Variants in UNC5C observed in about 807,000 individuals in gnomAD.
UNC5C encodes the protein unc-5 netrin receptor C.
In UNC5C, 47 loss-of-function variants were observed where a neutral mutation model predicts 99.8. The observed-to-expected ratio is 0.47, with a 90% CI of 0.37 to 0.60. UNC5C has a LOEUF of 0.60. UNC5C is among the 20% of genes least tolerant of loss of function. The pLI is 0.00. For missense variants in UNC5C, 1,062 were observed against 1,165.9 expected (o/e 0.91, Z 1.30); for synonymous variants, 487 against 452.2 (o/e 1.08, Z -0.98).
At chr4:95,455,337 G>A (rs1747397860) in intron 1 of UNC5C, among the ~76,000 whole-genome samples, 1 of 152,088 alleles carries the variant, frequency 6.6e-6, no homozygotes, top group Admixed American at 6.6e-5. Context: ...AACCTCGATT[G>A]CATTTGGTGT....
chr4:95,435,859 C>T (rs4385069), intron 1 of UNC5C, among the ~76,000 whole-genome samples: 136,393 of 152,052 alleles, frequency 0.9, 61,368 homozygotes, highest in Admixed American at 0.94. Context: ...TTTTATTAGG[C>T]TTCTATATTT....
At chr4:95,365,902 T>A (rs1160050342) in intron 1 of UNC5C, among the ~76,000 whole-genome samples, 1 of 151,908 alleles carries the variant, frequency 6.6e-6, no homozygotes, top group Non-Finnish European at 1.5e-5. Context: ...TGTGATTTTT[T>A]CCCCCAGGAT....
chr4:95,478,821 TA>T (rs1435466242), intron 1 of UNC5C, among the ~76,000 whole-genome samples: 1 of 151,878 alleles, frequency 6.6e-6, no homozygotes, highest in Non-Finnish European at 1.5e-5. Context: ...GTGGCGGGTA[TA>T]TGGGTCATGG....
chr4:95,302,295 T>C (rs1230273967), intron 2 of UNC5C, among the ~76,000 whole-genome samples: 1 of 152,216 alleles, frequency 6.6e-6, no homozygotes, highest in African/African-American at 2.4e-5. Context: ...TATATAACTT[T>C]AAAGTTTTCA....
intron 1 of UNC5C, among the ~76,000 whole-genome samples, chr4:95,381,034 G>A (rs886278856): frequency 3.3e-5 from 5 of 152,104 alleles, no homozygotes; most frequent in African/African-American, 4.8e-5. Context: ...AGAAAACAAC[G>A]TATTTAGGAT....
At chr4:95,432,735 A>G (rs979611552) in intron 1 of UNC5C, among the ~76,000 whole-genome samples, 3 of 152,130 alleles carry the variant, frequency 2.0e-5, no homozygotes, top group Admixed American at 2.0e-4. Flanking sequence ...GTCAATAAGA[A>G]CAAACATCAA....
chr4:95,212,840 A>G (rs949294269), intron 10 of UNC5C, among the ~76,000 whole-genome samples: 3 of 152,124 alleles, frequency 2.0e-5, no homozygotes, highest in Admixed American at 1.3e-4. Context: ...GCCAGCTGTG[A>G]AATACTTTCT....
intron 1 of UNC5C, among the ~76,000 whole-genome samples, chr4:95,385,166 G>GA (rs1025032228): frequency 1.3e-4 from 20 of 151,052 alleles, no homozygotes; most frequent in Non-Finnish European, 2.5e-4. Flanking sequence ...TGCAGTCAAA[G>GA]AAAAAAAAAC....
chr4:95,245,142 T>C lies in UNC5C; in HGVS notation c.778A>G (p.Asn260Asp), dbSNP rs1326477791. The change falls in exon 6 of 16, where the codon AAC (asparagine) becomes GAC (aspartate). Residue 260 changes from asparagine to aspartate, a missense_variant and splice_region_variant. Coordinates refer to ENST00000453304, the MANE Select transcript of UNC5C (RefSeq NM_003728.4). Reference protein sequence around the residue: ...STTATVIVYVNGGWSTWTEWS... With the variant: ...STTATVIVYVDGGWSTWTEWS... ...TCCGTCCAGGTGGACCAGCCACCGTTGACTGAAAGGAGGCAAACAGTAAAA... is the reference window on the plus strand; with the variant it reads ...TCCGTCCAGGTGGACCAGCCACCGTCGACTGAAAGGAGGCAAACAGTAAAA... 1 of 1,610,474 alleles carries C rather than the reference T, an allele frequency of 6.2e-7. No individual in the cohort carries two copies. The highest frequency in any genetic ancestry group is 1.1e-5 in the South Asian group (1 of 90,224).
chr4:95,504,841 C>T (rs1460635916), intron 1 of UNC5C, among the ~76,000 whole-genome samples: 1 of 151,998 alleles, frequency 6.6e-6, no homozygotes, highest in African/African-American at 2.4e-5. Context: ...CCTATGATGT[C>T]ATTCATTGCA....
chr4:95,263,255 A>G (rs1171410241), intron 4 of UNC5C, among the ~76,000 whole-genome samples: 1 of 152,224 alleles, frequency 6.6e-6, no homozygotes, highest in Non-Finnish European at 1.5e-5. Context: ...TGTTTATAAT[A>G]TACACAGACA....
At chr4:95,403,171 A>G (rs945939901) in intron 1 of UNC5C, among the ~76,000 whole-genome samples, 7 of 152,224 alleles carry the variant, frequency 4.6e-5, no homozygotes, top group Non-Finnish European at 8.8e-5. Context: ...GCTTGCATCT[A>G]CTTGAGATAA....
chr4:95,429,849 C>A (rs1287568174), intron 1 of UNC5C, among the ~76,000 whole-genome samples: 2 of 152,152 alleles, frequency 1.3e-5, no homozygotes, highest in Admixed American at 6.6e-5. Flanking sequence ...AGCTATCAAG[C>A]CTTGTAAAGA....
chr4:95,534,834 A>T (rs949307647), intron 1 of UNC5C, among the ~76,000 whole-genome samples: 2 of 152,176 alleles, frequency 1.3e-5, no homozygotes, highest in African/African-American at 4.8e-5. Flanking sequence ...TAGAACTTTG[A>T]CCTTGCTTGG....
At position 95,356,739 on chromosome 4, in the gene UNC5C, G is replaced by A. The variant is rs574388583; in HGVS notation, c.125-21108C>T. Among the ~76,000 whole-genome samples the A allele has an allele frequency of 2.0e-5, 3 of 152,254 alleles. No individual in the cohort carries two copies. In the East Asian group the frequency reaches 5.8e-4, roughly 29 times the overall value. ...GCAAGAGAAAGAGGTCCAGAGAAAT[G>A]TCTCCTTTCTTTGTGGCCATTCTCA... On this transcript the variant is annotated intron_variant, in intron 1 of 15. Coordinates refer to ENST00000453304, the MANE Select transcript of UNC5C (RefSeq NM_003728.4).
intron 1 of UNC5C, among the ~76,000 whole-genome samples, chr4:95,399,987 T>C (rs1425434085): frequency 6.6e-6 from 1 of 152,210 alleles, no homozygotes; most frequent in Admixed American, 6.5e-5. Flanking sequence ...TTCACAGGAA[T>C]ATATCTTGAA....
intron 2 of UNC5C, among the ~76,000 whole-genome samples, chr4:95,328,994 C>G (rs1743011484): frequency 6.6e-6 from 1 of 152,114 alleles, no homozygotes; most frequent in South Asian, 2.1e-4. Context: ...GAGCCATACC[C>G]CTGTTCCATG....
chr4:95,432,451 A>T lies in UNC5C; in HGVS notation c.125-96820T>A, dbSNP rs577804304. On this transcript the variant is annotated intron_variant, in intron 1 of 15. Transcript: ENST00000453304. ...AATCATACAGTTTTCCAAATGCTAAACTATTTCTTTATGTGAGTCAAAAAC... is the reference window on the plus strand; with the variant it reads ...AATCATACAGTTTTCCAAATGCTAATCTATTTCTTTATGTGAGTCAAAAAC... Among the ~76,000 whole-genome samples, 4 of 152,208 alleles carry T rather than the reference A, an allele frequency of 2.6e-5. No individual in the cohort carries two copies. In the South Asian group the frequency reaches 6.2e-4, roughly 24 times the overall value.
intron 4 of UNC5C, among the ~76,000 whole-genome samples, chr4:95,262,094 T>G (rs1740259900): frequency 6.6e-6 from 1 of 152,238 alleles, no homozygotes. Flanking sequence ...CCATCATATA[T>G]TACATGAGAG....
Sources: allele counts gnomAD v4.1 joint callset (sites outside exome capture counted in the v4.1 genomes callset), GRCh38; gene constraint gnomAD v4.1.1; transcripts MANE v1.5; gene names NCBI Gene and HGNC (gene_info 2026-07-23, HGNC 2026-07-21).